Variants in DDX31 observed in about 807,000 individuals in gnomAD.
DDX31 encodes the protein ATP-dependent DNA helicase DDX31.
A neutral mutation model predicts 91.3 loss-of-function variants in DDX31; 70 were observed. The ratio of observed to expected loss-of-function variants is 0.77; its 90% CI spans 0.63 to 0.94. The LOEUF (loss-of-function observed/expected upper bound fraction) is 0.94, where lower values mean the gene tolerates loss of function less well. DDX31 is among the 40% of genes least tolerant of loss of function. DDX31 has a pLI of 0.00. For missense variants in DDX31, 902 were observed against 925.0 expected (o/e 0.98, Z 0.32); for synonymous variants, 362 against 350.6 (o/e 1.03, Z -0.36).
In DDX31 at chr9:132,661,076, C is replaced by T. The variant is rs1004077836; in HGVS notation, c.452+132G>A. 1.0e-5 allele frequency: 8 copies of T among 776,538 alleles called. No homozygotes were observed. The Middle Eastern group carries it at 9.2e-4, about 90-fold the overall frequency. 48.1% of individuals were successfully genotyped at this position (776,538 alleles called of 1,614,324 possible). A position where few individuals can be genotyped will look rare whatever the true frequency, so the allele number is the denominator to read the frequency against. ...AATGAGTAGCTAAGTGAGACGACAA[C>T]CCTTTATGGTCGATAACCTGGCACT... is the stretch of plus-strand genomic sequence containing the variant. On this transcript the variant is annotated intron_variant, in intron 4 of 19. Coordinates refer to ENST00000372159, the MANE Select transcript of DDX31 (RefSeq NM_022779.9).
chr9:132,625,570 G>A, intron 17 of DDX31, 94 bp downstream of exon 17: 1 of 865,724 alleles, frequency 1.2e-6, no homozygotes, highest in African/African-American at 1.7e-5. Flanking sequence ...TGTATTGCTT[G>A]ACAGAGGAAG....
intron 15 of DDX31, 135 bp downstream of exon 15, chr9:132,631,906 T>C (rs1297874667): frequency 1.2e-5 from 9 of 736,766 alleles, no homozygotes. Flanking sequence ...ATTGAACAGA[T>C]AAGGCTGGTT....
At chr9:132,661,293 C>G in intron 3 of DDX31, 42 bp from the exon 4 acceptor site, 2 of 1,460,978 alleles carry the variant, frequency 1.4e-6, no homozygotes, top group Non-Finnish European at 1.9e-6. Context: ...TATTTTGATA[C>G]AAAATATTTA....
intron 5 of DDX31, among the ~76,000 whole-genome samples, chr9:132,658,994 G>A (rs1042288414): frequency 2.0e-5 from 3 of 152,166 alleles, no homozygotes; most frequent in Non-Finnish European, 4.4e-5. Context: ...AAGAGATAAC[G>A]ATATGTCTCC....
chr9:132,642,801 A>G (rs1833583069), intron 13 of DDX31, among the ~76,000 whole-genome samples: 1 of 151,920 alleles, frequency 6.6e-6, no homozygotes, highest in Non-Finnish European at 1.5e-5. Flanking sequence ...TTACGTGACC[A>G]ATGTTGTATT....
At chr9:132,597,805 T>C (rs306543) in intron 19 of DDX31, among the ~76,000 whole-genome samples, 3,231 of 152,226 alleles carry the variant, frequency 0.021, 123 homozygotes, top group African/African-American at 0.074. Context: ...CCTCCAGACC[T>C]GTCCCTTCAC....
chr9:132,618,267 G>A (rs1831769974), intron 18 of DDX31, 63 bp downstream of exon 18: 2 of 1,417,788 alleles, frequency 1.4e-6, no homozygotes, highest in African/African-American at 2.9e-5. Context: ...GTATGTGGGT[G>A]AAGGTGGGGG....
intron 6 of DDX31, chr9:132,658,079 T>A: frequency 1.9e-6 from 1 of 529,380 alleles, no homozygotes; most frequent in Non-Finnish European, 3.4e-6. Context: ...CAAGCATGAA[T>A]GGATAGCTGC....
At chr9:132,636,309 A>G (rs572805338) in intron 14 of DDX31, among the ~76,000 whole-genome samples, 1 of 152,222 alleles carries the variant, frequency 6.6e-6, no homozygotes, top group African/African-American at 2.4e-5. Context: ...GCCACTTTCT[A>G]CACCAACTAC....
intron 18 of DDX31, among the ~76,000 whole-genome samples, chr9:132,614,637 T>C (rs1172749123): frequency 6.6e-6 from 1 of 152,194 alleles, no homozygotes; most frequent in Admixed American, 6.5e-5. Context: ...GATGAGTCCC[T>C]GGGCTTCCAC....
At chr9:132,606,289 G>C (rs537125473) in intron 19 of DDX31, among the ~76,000 whole-genome samples, 1 of 152,316 alleles carries the variant, frequency 6.6e-6, no homozygotes, top group African/African-American at 2.4e-5. Flanking sequence ...TATTAGGGAG[G>C]TTGTAAATGC....
At chr9:132,606,075 G>A (rs985927821) in intron 19 of DDX31, among the ~76,000 whole-genome samples, 4 of 152,194 alleles carry the variant, frequency 2.6e-5, no homozygotes, top group East Asian at 1.9e-4. Context: ...TGTTGGATGC[G>A]GCTGAGATGG....
At chr9:132,641,142 C>A (rs1261175825) in intron 14 of DDX31, among the ~76,000 whole-genome samples, 1 of 152,204 alleles carries the variant, frequency 6.6e-6, no homozygotes, top group African/African-American at 2.4e-5. Context: ...ACACTTAAGA[C>A]AGAAAAGTCT....
intron 18 of DDX31, among the ~76,000 whole-genome samples, chr9:132,612,637 A>G (rs1235155820): frequency 6.6e-6 from 1 of 152,232 alleles, no homozygotes; most frequent in Non-Finnish European, 1.5e-5. Flanking sequence ...GAAATGATCA[A>G]CACAGGACAT....
rs767606249 is a variant in DDX31, at chr9:132,612,193, C to T, written c.1888G>A (p.Val630Ile). Reference sequence around the variant, plus strand: ...ACATGCCCAAGGTGGAGGGATCGGACGTGGAAGATGTGCTTCAGCTCCCTG... The same window carrying T: ...ACATGCCCAAGGTGGAGGGATCGGATGTGGAAGATGTGCTTCAGCTCCCTG... ...YPRELKHIFH[V>I]RSLHLGHVAK... Residue 630 changes from valine to isoleucine, a missense_variant, in exon 19 of 20, where the codon GTC (valine) becomes ATC (isoleucine). Transcript: ENST00000372159. 1.1e-5 allele frequency: 17 copies of T among 1,614,010 alleles called. No individual in the cohort carries two copies. Among genetic ancestry groups the T allele is most frequent in the South Asian group, 3.3e-5 (3 of 91,082 alleles).
intron 2 of DDX31, 26 bp downstream of exon 2, chr9:132,662,412 CT>C (rs752266549): frequency 7.9e-5 from 128 of 1,613,412 alleles, no homozygotes; most frequent in Non-Finnish European, 9.7e-5. Flanking sequence ...TTTTTTCTTC[CT>C]GAAGGGCATC....
At chr9:132,664,674 G>A (rs111971133) in intron 1 of DDX31, among the ~76,000 whole-genome samples, 3 of 139,348 alleles carry the variant, frequency 2.2e-5, no homozygotes, top group African/African-American at 8.1e-5. Context: ...ACGCCATGAT[G>A]CCACTGCTCT....
intron 14 of DDX31, chr9:132,638,003 A>G (rs1168310267): frequency 2.7e-6 from 3 of 1,117,140 alleles, no homozygotes; most frequent in African/African-American, 1.6e-5. Context: ...CAGACAGAAC[A>G]GTATGCTTCA....
In DDX31 at chr9:132,594,957, G is replaced by A. The variant is rs768877501; in HGVS notation, c.2150C>T (p.Pro717Leu). The A allele has an allele frequency of 6.1e-5, 98 of 1,613,994 alleles. No homozygotes were observed. In the East Asian group the frequency reaches 1.7e-3, roughly 29 times the overall value. Residue 717 changes from proline to leucine, a missense_variant, in exon 20 of 20, where the codon CCG becomes CTG. Pro to Leu is a moderately conservative substitution (Grantham distance 98). Transcript: ENST00000372159. ...GGRPLQHSLQPTPCFGRGKTL... is the reference protein window; with the variant it reads ...GGRPLQHSLQLTPCFGRGKTL... ...TTTCCCACGGCCAAAGCAGGGTGTC[G>A]GCTGCAGACTGTGCTGCAGGGGCCG...
Sources: gnomAD v4.1 joint callset for allele counts (sites outside exome capture counted in the v4.1 genomes callset) on GRCh38, gnomAD v4.1.1 for gene constraint, MANE v1.5 for transcripts, NCBI Gene and HGNC (gene_info 2026-07-23, HGNC 2026-07-21) for gene names.